Variants in TBC1D14 observed in about 807,000 individuals in gnomAD.
TBC1D14 encodes TBC1 domain family, member 14.
Under a neutral mutation model 79.0 loss-of-function variants are expected in TBC1D14, and 26 were observed. The ratio of observed to expected loss-of-function variants is 0.33; its 90% CI spans 0.24 to 0.46. The LOEUF is 0.46. Among genes scored for constraint, TBC1D14 ranks in the 20% least tolerant of loss-of-function variants. The pLI is 1.00. For missense variants in TBC1D14, 769 were observed against 887.6 expected (o/e 0.87, Z 1.70); for synonymous variants, 394 against 349.9 (o/e 1.13, Z -1.40).
chr4:6,923,527 C>T lies in TBC1D14; in HGVS notation c.138C>T (p.Tyr46=), dbSNP rs183069220. The T allele has an allele frequency of 2.2e-5, 35 of 1,614,178 alleles. No individual in the cohort carries two copies. Among genetic ancestry groups the T allele is most frequent in the Admixed American group, 3.3e-5 (2 of 60,030 alleles). Residue 46 remains tyrosine (Y), a synonymous_variant, in exon 2 of 14, where the codon TAC becomes TAT. Transcript: ENST00000409757. ...KAPRLLSAPE[Y]GPKLKLRALE... is the part of the protein sequence containing the mutation. ...CCCGACTCCTCTCCGCGCCTGAGTACGGGCCCAAGCTGAAACTCAGGGCTT... is the reference window on the plus strand; with the variant it reads ...CCCGACTCCTCTCCGCGCCTGAGTATGGGCCCAAGCTGAAACTCAGGGCTT...
At chr4:6,932,376 T>TAA (rs34196506) in intron 2 of TBC1D14, among the ~76,000 whole-genome samples, 57 of 143,954 alleles carry the variant, frequency 4.0e-4, no homozygotes, top group East Asian at 1.2e-3. Flanking sequence ...GTCTGGAAAT[T>TAA]AAAAAAAAAA....
chr4:6,943,129 G>A (rs1005502689), intron 2 of TBC1D14, among the ~76,000 whole-genome samples: 1 of 152,162 alleles, frequency 6.6e-6, no homozygotes, highest in African/African-American at 2.4e-5. Flanking sequence ...CCAAAGCAGG[G>A]GAGAGCGTGT....
intron 2 of TBC1D14, among the ~76,000 whole-genome samples, chr4:6,935,303 C>T (rs1712198668): frequency 6.6e-6 from 1 of 151,864 alleles, no homozygotes; most frequent in African/African-American, 2.4e-5. Flanking sequence ...AATTTGAAAA[C>T]AACCTAGTAA....
intron 3 of TBC1D14, among the ~76,000 whole-genome samples, chr4:6,980,182 G>T (rs1287440533): frequency 6.6e-6 from 1 of 152,076 alleles, no homozygotes. Flanking sequence ...ATTTCAAAAG[G>T]ATTAAAATTA....
chr4:6,956,638 G>A (rs1028965229), intron 2 of TBC1D14, among the ~76,000 whole-genome samples: 5 of 152,178 alleles, frequency 3.3e-5, no homozygotes, highest in African/African-American at 9.7e-5. Flanking sequence ...TTGCTTGCCC[G>A]GGGCTGCTTC....
At chr4:6,936,486 T>G (rs1215479280) in intron 2 of TBC1D14, among the ~76,000 whole-genome samples, 1 of 152,218 alleles carries the variant, frequency 6.6e-6, no homozygotes, top group Non-Finnish European at 1.5e-5. Flanking sequence ...TAGCACTCAA[T>G]GATGTTTCAC....
intron 3 of TBC1D14, among the ~76,000 whole-genome samples, chr4:6,975,637 G>A (rs778345237): frequency 1.7e-4 from 26 of 152,184 alleles, no homozygotes; most frequent in Non-Finnish European, 3.5e-4. Context: ...TCTGAGATGG[G>A]AAAATAGAAA....
intron 2 of TBC1D14, among the ~76,000 whole-genome samples, chr4:6,962,688 G>A (rs1447583573): frequency 6.6e-6 from 1 of 152,044 alleles, no homozygotes; most frequent in Non-Finnish European, 1.5e-5. Flanking sequence ...GGGAGGTTGT[G>A]GTGGTCTGCC....
chr4:6,960,556 A>G (rs901115314), intron 2 of TBC1D14, among the ~76,000 whole-genome samples: 2 of 152,212 alleles, frequency 1.3e-5, no homozygotes, highest in African/African-American at 4.8e-5. Flanking sequence ...CTTCAAAAAA[A>G]TGCCTGTTGG....
At chr4:6,928,643 GC>G (rs1473303759) in intron 2 of TBC1D14, among the ~76,000 whole-genome samples, 1 of 152,168 alleles carries the variant, frequency 6.6e-6, no homozygotes, top group Admixed American at 6.5e-5. Context: ...GACCAACCTG[GC>G]CAACATGGTG....
At chr4:6,940,805 C>T (rs562119914) in intron 2 of TBC1D14, among the ~76,000 whole-genome samples, 9 of 152,282 alleles carry the variant, frequency 5.9e-5, no homozygotes, top group East Asian at 5.8e-4. Flanking sequence ...TACCTGTCTC[C>T]GAGCTGGCAG....
chr4:7,006,046 A>G (rs1310323320), intron 8 of TBC1D14, among the ~76,000 whole-genome samples: 3 of 152,204 alleles, frequency 2.0e-5, no homozygotes, highest in Non-Finnish European at 1.5e-5. Context: ...CTTGTTAGAG[A>G]TACTACACAC....
At chr4:6,954,193 A>G in intron 2 of TBC1D14, 2 of 681,812 alleles carry the variant, frequency 2.9e-6, no homozygotes, top group East Asian at 2.7e-5. Flanking sequence ...CTCCGAGTGC[A>G]CCCATGGAGT....
At chr4:6,982,493 T>G (rs1482625605) in intron 3 of TBC1D14, among the ~76,000 whole-genome samples, 4 of 152,214 alleles carry the variant, frequency 2.6e-5, no homozygotes, top group Non-Finnish European at 5.9e-5. Flanking sequence ...GTGATCCAAC[T>G]GTTTTATATC....
intron 2 of TBC1D14, chr4:6,954,211 G>A: frequency 1.4e-6 from 1 of 706,820 alleles, no homozygotes; most frequent in South Asian, 1.5e-5. Context: ...AGTTTCCCCG[G>A]GACTGTGGCT....
At chr4:6,956,793 CGGGGA>C (rs1714682718) in intron 2 of TBC1D14, among the ~76,000 whole-genome samples, 2 of 152,192 alleles carry the variant, frequency 1.3e-5, no homozygotes, top group Admixed American at 1.3e-4. Flanking sequence ...GCTGCCTGTG[CGGGGA>C]AGGAGCACTG....
At chr4:6,912,433 G>GC (rs1277877240) in intron 1 of TBC1D14, among the ~76,000 whole-genome samples, 30 of 151,932 alleles carry the variant, frequency 2.0e-4, no homozygotes, top group African/African-American at 5.1e-4. Context: ...ATTTTCTTGG[G>GC]CCCGGGTGGT....
At chr4:6,999,903 C>T (rs1375966880) in intron 6 of TBC1D14, among the ~76,000 whole-genome samples, 3 of 152,094 alleles carry the variant, frequency 2.0e-5, no homozygotes, top group Non-Finnish European at 1.5e-5. Flanking sequence ...TGAGGGGCAG[C>T]TGTGGGTCTT....
At chr4:6,955,298 T>C (rs1297752517) in intron 2 of TBC1D14, among the ~76,000 whole-genome samples, 2 of 152,178 alleles carry the variant, frequency 1.3e-5, no homozygotes, top group African/African-American at 4.8e-5. Flanking sequence ...AGGTTTTGCC[T>C]TCTCTACCTT....
Sources: allele counts gnomAD v4.1 joint callset (sites outside exome capture counted in the v4.1 genomes callset), GRCh38; gene constraint gnomAD v4.1.1; transcripts MANE v1.5; gene names NCBI Gene and HGNC (gene_info 2026-07-23, HGNC 2026-07-21).